The following RTN4 variants were observed in gnomAD, a reference collection of about 807,000 sequenced individuals.
The protein encoded by RTN4 is reticulon 4.
Under a neutral mutation model 90.4 loss-of-function variants are expected in RTN4, and 32 were observed. The observed-to-expected ratio is 0.35, with a 90% CI of 0.27 to 0.48. RTN4 has a LOEUF of 0.48. Among genes scored for constraint, RTN4 ranks in the 20% least tolerant of loss-of-function variants. The pLI is 0.99. For missense variants in RTN4, 1,706 were observed against 1,430.2 expected (o/e 1.19, Z -3.11); for synonymous variants, 629 against 552.5 (o/e 1.14, Z -1.94).
chr2:55,001,138 T>G (rs2104747145), intron 3 of RTN4, among the ~76,000 whole-genome samples: 1 of 152,192 alleles, frequency 6.6e-6, no homozygotes, highest in East Asian at 1.9e-4. Flanking sequence ...CTAGAAAATC[T>G]CCAGGAAACA....
intron 1 of RTN4, among the ~76,000 whole-genome samples, chr2:55,092,701 A>T (rs1668961486): frequency 6.6e-6 from 1 of 152,164 alleles, no homozygotes; most frequent in Non-Finnish European, 1.5e-5. Flanking sequence ...CACTCATTAG[A>T]GTTTTGTCAT....
the RTN4 span, among the ~76,000 whole-genome samples, chr2:55,129,699 C>G: frequency 2.0e-5 from 3 of 151,994 alleles, no homozygotes; most frequent in Admixed American, 6.6e-5. Flanking sequence ...GTAGCTGGGA[C>G]TACAGGCGCT....
At chr2:55,122,135 C>G in the RTN4 span, among the ~76,000 whole-genome samples, 1 of 151,924 alleles carries the variant, frequency 6.6e-6, no homozygotes, top group East Asian at 1.9e-4. Context: ...GTAGGGGCCC[C>G]CTCTAGATAA....
intron 2 of RTN4, among the ~76,000 whole-genome samples, chr2:55,061,295 C>T (rs1009352469): frequency 6.6e-6 from 1 of 152,124 alleles, no homozygotes; most frequent in Non-Finnish European, 1.5e-5. Context: ...AACTCCTGAC[C>T]TCAGGTGATC....
intron 2 of RTN4, among the ~76,000 whole-genome samples, chr2:55,070,656 C>T (rs1668492759): frequency 6.6e-6 from 1 of 151,622 alleles, no homozygotes; most frequent in African/African-American, 2.4e-5. Context: ...GGGTGGGGAG[C>T]AAAATTGACT....
At chr2:55,125,653 C>CT in the RTN4 span, among the ~76,000 whole-genome samples, 2 of 152,124 alleles carry the variant, frequency 1.3e-5, no homozygotes, top group Admixed American at 6.6e-5. Context: ...GTAATTCCAG[C>CT]TACTCACAAG....
intron 2 of RTN4, among the ~76,000 whole-genome samples, chr2:55,062,248 C>T (rs570279736): frequency 2.8e-4 from 43 of 152,112 alleles, no homozygotes; most frequent in Non-Finnish European, 5.4e-4. Context: ...CCAATTCTTC[C>T]GGTACACCAA....
rs776012911 is a variant in RTN4, at chr2:55,027,133, T to G, written c.966A>C (p.Glu322Asp). The change falls in exon 3 of 9, where the codon GAA becomes GAC. Residue 322 changes from glutamate (E) to aspartate (D), a missense_variant. Transcript: ENST00000337526. ...SAVIVANPRE[E>D]IIVKNKDEEE... ...CTTCATCTTTATTTTTCACGATTAT[T>G]TCTTCCCTAGGATTTGCTACTATTA... 1 of 1,613,456 alleles carries G rather than the reference T, an allele frequency of 6.2e-7. No homozygotes were observed. Among genetic ancestry groups the G allele is most frequent in the Admixed American group, 1.7e-5 (1 of 59,846 alleles).
At position 55,050,214 on chromosome 2, in the gene RTN4, C is replaced by T; in HGVS notation, c.87G>A (p.Arg29=). 6.4e-7 allele frequency: 1 copy of T among 1,567,156 alleles called. No homozygotes were observed. The highest frequency in any genetic ancestry group is 8.6e-7 in the Non-Finnish European group (1 of 1,159,742). Residue 29 remains arginine, a synonymous_variant, in exon 1 of 9, where the codon AGG becomes AGA. Coordinates refer to ENST00000337526, the MANE Select transcript of RTN4 (RefSeq NM_020532.5). The surrounding 1 kb of genome is among the most constrained non-coding windows in gnomAD (Gnocchi z 4.6). ...CTTCTTCCTCCTCGTCCTCGGGCTC[C>T]CTCACGAACTGGTACTTGAACGCGG... is the stretch of plus-strand genomic sequence containing the variant. ...PQPAFKYQFV[R]EPEDEEEEEE... is the part of the protein sequence containing the mutation.
At chr2:55,086,023 G>C (rs1335899851) in intron 1 of RTN4, among the ~76,000 whole-genome samples, 3 of 152,180 alleles carry the variant, frequency 2.0e-5, no homozygotes, top group African/African-American at 7.2e-5. Context: ...GCCAACAAGA[G>C]TCAGATCTTC....
chr2:55,083,910 T>A (rs183749440), intron 1 of RTN4, among the ~76,000 whole-genome samples: 733 of 152,356 alleles, frequency 4.8e-3, no homozygotes, highest in Non-Finnish European at 8.0e-3. Flanking sequence ...ATATTTGGTC[T>A]TTGACCCTGG....
chr2:55,086,829 A>ATT (rs1025950417), intron 1 of RTN4, among the ~76,000 whole-genome samples: 1 of 145,326 alleles, frequency 6.9e-6, no homozygotes. Flanking sequence ...ACTTTAATTT[A>ATT]TTTTTTTTTT....
chr2:55,017,936 T>C (rs1573391982), intron 3 of RTN4, among the ~76,000 whole-genome samples: 1 of 152,312 alleles, frequency 6.6e-6, no homozygotes, highest in East Asian at 1.9e-4. Context: ...TAACTGCTTA[T>C]TCCAAAACCA....
chr2:54,974,577 G>A (rs771225233), intron 6 of RTN4, 118 bp downstream of exon 6: 5 of 879,372 alleles, frequency 5.7e-6, no homozygotes, highest in Middle Eastern at 2.2e-4. Context: ...TACCGCGCCC[G>A]GCCCACATTT....
the RTN4 span, among the ~76,000 whole-genome samples, chr2:55,119,909 T>C: frequency 1.3e-5 from 2 of 152,178 alleles, no homozygotes; most frequent in Non-Finnish European, 2.9e-5. Context: ...TTTCTCCTTC[T>C]CTCAGCTGCT....
chr2:55,097,901 G>C (rs1166015908), intron 1 of RTN4, among the ~76,000 whole-genome samples: 1 of 152,012 alleles, frequency 6.6e-6, no homozygotes, highest in African/African-American at 2.4e-5. Flanking sequence ...AGCAGGTGGA[G>C]TCTGAAGGGC....
Position 55,025,254 on chromosome 2 carries a change from G to T in RTN4, c.2845C>A (p.Leu949Ile), listed in dbSNP as rs748279978. The change falls in exon 3 of 9, where the codon CTC (leucine) becomes ATC (isoleucine). Residue 949 changes from leucine to isoleucine, a missense_variant. Coordinates refer to ENST00000337526, the MANE Select transcript of RTN4 (RefSeq NM_020532.5). ...SKNGSATSKV[L>I]LLPPDVSALA... The stretch of plus-strand genomic sequence containing the variant: ...GCAGAAACATCTGGAGGCAATAAGA[G>T]CACCTTTGATGTAGCAGACCCATTT... The T allele has an allele frequency of 6.2e-7, 1 of 1,613,740 alleles. No individual in the cohort carries two copies. The highest frequency in any genetic ancestry group is 8.5e-7 in the Non-Finnish European group (1 of 1,179,866).
In RTN4 at chr2:55,075,259, A is replaced by C. The variant is rs184728402; in HGVS notation, c.-63+5230T>G. On this transcript the variant is annotated intron_variant, in intron 2 of 3. Transcript: ENST00000427710. ...GATACAAAATTAACATACACAAATC[A>C]GTAGCTCTGCTATACACCAACAGCG... Among the ~76,000 whole-genome samples the C allele has an allele frequency of 6.9e-4, 105 of 152,360 alleles. 1 individual carries two copies. Among genetic ancestry groups the C allele is most frequent in the Non-Finnish European group, 1.3e-3 (86 of 68,038 alleles).
At chr2:55,064,078 C>T (rs189589497) in intron 2 of RTN4, among the ~76,000 whole-genome samples, 159 of 151,610 alleles carry the variant, frequency 1.0e-3, no homozygotes, top group Middle Eastern at 3.4e-3. Context: ...AAAAATTAGC[C>T]AGGTGTAGTG....
Sources: gnomAD v4.1 joint callset for allele counts (sites outside exome capture counted in the v4.1 genomes callset) on GRCh38, gnomAD v4.1.1 for gene constraint, Gnocchi (gnomAD v3.1) non-coding constraint, MANE v1.5 for transcripts, NCBI Gene and HGNC (gene_info 2026-07-23, HGNC 2026-07-21) for gene names.